The following CFAP97D1 variants were observed in gnomAD, a reference collection of about 807,000 sequenced individuals.
CFAP97D1 encodes the protein sperm axonemal maintenance protein CFAP97D1.
A neutral mutation model predicts 20.5 loss-of-function variants in CFAP97D1; 15 were observed. The ratio of observed to expected loss-of-function variants is 0.73; its 90% CI spans 0.49 to 1.13. CFAP97D1 has a LOEUF of 1.13. Among genes scored for constraint, CFAP97D1 ranks in the 50% most tolerant of loss-of-function variants. CFAP97D1 has a pLI of 0.00. For synonymous variants in CFAP97D1, 58 were observed against 71.2 expected, an observed-to-expected ratio of 0.82 and a Z score of 0.93; for missense variants, 168 against 202.9, an observed-to-expected ratio of 0.83 and a Z score of 1.04.
chr17:43,783,327 TC>T (rs777187900), intron 4 of CFAP97D1, 24 bp downstream of exon 4: 1 of 1,550,770 alleles, frequency 6.4e-7, no homozygotes, highest in Middle Eastern at 1.7e-4. Context: ...CATGTTATAC[TC>T]CCAGACACAC....
chr17:43,780,697 T>A, intron 1 of CFAP97D1, 111 bp downstream of exon 1: 1 of 1,229,008 alleles, frequency 8.1e-7, no homozygotes, highest in Non-Finnish European at 1.1e-6. Context: ...GATATGGCCT[T>A]ATCTGCTGAG....
chr17:43,781,129 T>G lies in CFAP97D1; in HGVS notation c.135T>G (p.Thr45=). The part of the protein sequence containing the change: ...HKNRIQIAKP[T]VDTKPPVAHT... ...ATCCCCCTTCTCTAGCGAAGCCTAC[T>G]GTTGATACCAAACCTCCAGTGGCGC... Residue 45 remains threonine, a synonymous_variant, in exon 2 of 6, where the codon ACT becomes ACG. Coordinates refer to ENST00000449302, the MANE Select transcript of CFAP97D1 (RefSeq NM_001136483.3). 1 of 1,551,430 alleles carries G rather than the reference T, an allele frequency of 6.4e-7. No individual in the cohort carries two copies. The highest frequency in any genetic ancestry group is 2.0e-5 in the Admixed American group (1 of 50,988).
At chr17:43,783,049 G>C in intron 3 of CFAP97D1, 131 bp from the exon 4 acceptor site, 1 of 1,149,178 alleles carries the variant, frequency 8.7e-7, no homozygotes, top group South Asian at 1.5e-5. Flanking sequence ...CCAGGGGCCT[G>C]TGGGCTCAGC....
chr17:43,781,397 C>A (rs1266548515), intron 2 of CFAP97D1, among the ~76,000 whole-genome samples: 1 of 147,218 alleles, frequency 6.8e-6, no homozygotes, highest in Non-Finnish European at 1.5e-5. Context: ...AGTGCACAAT[C>A]TCGGCTCACT....
In CFAP97D1 at chr17:43,782,366, A is replaced by G. The variant is rs9916129; in HGVS notation, c.314+474A>G. Among the ~76,000 whole-genome samples, 728 of 152,320 alleles carry G rather than the reference A, an allele frequency of 4.8e-3. 5 individuals carry two copies. Among genetic ancestry groups the G allele is most frequent in the African/African-American group, 0.015 (636 of 41,568 alleles). On this transcript the variant is annotated intron_variant, in intron 3 of 5. Transcript: ENST00000449302. ...GCAGAAGGAGAAAGAGGCTTCTTTCATAAGGACACTAATTCCATTAGGGTG... is the reference window on the plus strand; with the variant it reads ...GCAGAAGGAGAAAGAGGCTTCTTTCGTAAGGACACTAATTCCATTAGGGTG...
intron 4 of CFAP97D1, 88 bp downstream of exon 4, chr17:43,783,391 A>G: frequency 2.1e-6 from 3 of 1,459,324 alleles, no homozygotes; most frequent in South Asian, 1.3e-5. Flanking sequence ...ATCCCTGAAC[A>G]GCTAGAGTCA....
At chr17:43,780,616 T>G in intron 1 of CFAP97D1, 30 bp downstream of exon 1, 1 of 1,551,136 alleles carries the variant, frequency 6.4e-7, no homozygotes, top group African/African-American at 1.4e-5. Flanking sequence ...TGGACACTGC[T>G]ATTAGGGATT....
At chr17:43,783,111 C>G (rs892139549) in intron 3 of CFAP97D1, 69 bp from the exon 4 acceptor site, 3 of 1,540,562 alleles carry the variant, frequency 1.9e-6, no homozygotes, top group Non-Finnish European at 2.6e-6. Context: ...GATCTCATGA[C>G]TTCATCTCCC....
In CFAP97D1 at chr17:43,787,047, A is replaced by G. The variant is rs1166579381; in HGVS notation, c.*2665A>G. 2 of 151,786 alleles carry G rather than the reference A, an allele frequency of 1.3e-5. No individual in the cohort carries two copies. The highest frequency in any genetic ancestry group is 2.9e-5 in the Non-Finnish European group (2 of 67,984). The allele number at this position is 151,786 out of a possible 1,614,324, so 9.4% of individuals were successfully genotyped here. On this transcript the variant is annotated 3_prime_UTR_variant, in exon 6 of 6. Coordinates refer to ENST00000449302, the MANE Select transcript of CFAP97D1 (RefSeq NM_001136483.3). ...AGTGGCACGATCTTGGCTCACTGCA[A>G]CCTCCACCTCTGGGGTTCAAGCGAT...
intron 1 of CFAP97D1, 55 bp downstream of exon 1, chr17:43,780,641 C>G (rs1420010557): frequency 6.5e-7 from 1 of 1,542,536 alleles, no homozygotes; most frequent in Non-Finnish European, 8.8e-7. Flanking sequence ...AATGGTACCC[C>G]ATAAAGAGAT....
rs2044294418 is a variant in CFAP97D1 at position 43,786,658 on chromosome 17, ACACTCT to A, written c.*2277_*2282del. 1 of 152,224 alleles carries A rather than the reference ACACTCT, an allele frequency of 6.6e-6. No individual in the cohort carries two copies. Among genetic ancestry groups the A allele is most frequent in the Non-Finnish European group, 1.5e-5 (1 of 68,048 alleles). The allele number at this position is 152,224 out of a possible 1,614,324, so 9.4% of individuals were successfully genotyped here. ...TACTTAAAACCACTATTATCAAAAG[ACACTCT>A]TATTGCCACCCTTTTAGCCACAGTC... On this transcript the variant is annotated 3_prime_UTR_variant, in exon 6 of 6. Transcript: ENST00000449302.
chr17:43,782,042 C>T (rs1974479916), intron 3 of CFAP97D1, 150 bp downstream of exon 3: 1 of 614,718 alleles, frequency 1.6e-6, no homozygotes, highest in Non-Finnish European at 2.9e-6. Context: ...AGAATGAAAA[C>T]TTTAAAAATG....
At chr17:43,783,933 A>T in intron 5 of CFAP97D1, 40 bp downstream of exon 5, 5 of 1,487,762 alleles carry the variant, frequency 3.4e-6, no homozygotes, top group East Asian at 2.5e-5. Flanking sequence ...ACCACAGCTG[A>T]TACCAAAGCC....
Position 43,780,514 on chromosome 17 carries a change from A to C in CFAP97D1, c.52A>C (p.Arg18=). 6.4e-7 allele frequency: 1 copy of C among 1,551,716 alleles called. No homozygotes were observed. Among genetic ancestry groups the C allele is most frequent in the Non-Finnish European group, 8.7e-7 (1 of 1,146,972 alleles). The change falls in exon 1 of 6, where the codon AGG becomes CGG. Residue 18 remains arginine (R), a synonymous_variant. Transcript: ENST00000449302. ...LAYPVIVSNH[R]QSTTFRKKLD... ...CTACCCTGTTATCGTCTCTAATCAC[A>C]GGCAAAGCACAACCTTCAGAAAGAA...
rs2044294186 is a variant in CFAP97D1 at position 43,786,624 on chromosome 17, C to A, written c.*2242C>A. The stretch of plus-strand genomic sequence containing the variant: ...CCACATGTATAGCTTTGTGTAACCA[C>A]ATTCGAGATACTTAAAACCACTATT... On this transcript the variant is annotated 3_prime_UTR_variant, in exon 6 of 6. Transcript: ENST00000449302. 6.6e-6 allele frequency: 1 copy of A among 152,170 alleles called. No individual in the cohort carries two copies. Among genetic ancestry groups the A allele is most frequent in the South Asian group, 2.1e-4 (1 of 4,836 alleles). 9.4% of individuals were successfully genotyped at this position (152,170 alleles called of 1,614,324 possible). A position where few individuals can be genotyped will look rare whatever the true frequency, so the allele number is the denominator to read the frequency against.
chr17:43,783,464 C>T (rs1974496106), intron 4 of CFAP97D1, among the ~76,000 whole-genome samples, 161 bp downstream of exon 4: 1 of 151,974 alleles, frequency 6.6e-6, no homozygotes, highest in South Asian at 2.1e-4. Flanking sequence ...AGCTAACAGG[C>T]ACAAACCATC....
intron 3 of CFAP97D1, 125 bp downstream of exon 3, chr17:43,782,017 C>T: frequency 3.0e-6 from 2 of 669,404 alleles, no homozygotes; most frequent in South Asian, 3.5e-5. Context: ...GAGAACCAAA[C>T]AGACCATGTT....
chr17:43,780,638 C>A, intron 1 of CFAP97D1, 52 bp downstream of exon 1: 1 of 1,543,796 alleles, frequency 6.5e-7, no homozygotes, highest in Non-Finnish European at 8.8e-7. Context: ...TGGAATGGTA[C>A]CCCATAAAGA....
Position 43,785,019 on chromosome 17 carries a change from GAGAGAGTGAGAGAGATAGAT to G in CFAP97D1, c.*653_*672del, listed in dbSNP as rs1230693105. On this transcript the variant is annotated 3_prime_UTR_variant, in exon 6 of 6. Transcript: ENST00000449302. The stretch of plus-strand genomic sequence containing the variant: ...ACTCAATAGGAGAGAGAGAGAGAGA[GAGAGAGTGAGAGAGATAGAT>G]AGAGAGTGAGAGAGAGAGAGAAAGA... 6.6e-6 allele frequency: 1 copy of G among 151,012 alleles called. No homozygotes were observed. 9.4% of individuals were successfully genotyped at this position (151,012 alleles called of 1,614,324 possible). A position where few individuals can be genotyped will look rare whatever the true frequency, so the allele number is the denominator to read the frequency against.
Sources: allele counts gnomAD v4.1 joint callset (sites outside exome capture counted in the v4.1 genomes callset), GRCh38; gene constraint gnomAD v4.1.1; transcripts MANE v1.5; gene names NCBI Gene and HGNC (gene_info 2026-07-23, HGNC 2026-07-21).